The following GNA14 variants were observed in gnomAD, a reference collection of about 807,000 sequenced individuals.
The protein encoded by GNA14 is guanine nucleotide-binding protein subunit alpha-14.
A neutral mutation model predicts 42.0 loss-of-function variants in GNA14; 50 were observed. The ratio of observed to expected loss-of-function variants is 1.19; its 90% CI spans 0.95 to 1.51. The LOEUF is 1.51. GNA14 is among the 40% of genes most tolerant of loss of function. The pLI, the probability that GNA14 is intolerant of heterozygous loss-of-function variation, is 0.00. For synonymous variants in GNA14, 173 were observed against 163.1 expected, an observed-to-expected ratio of 1.06 and a Z score of -0.46; for missense variants, 473 against 446.2, an observed-to-expected ratio of 1.06 and a Z score of -0.54.
At chr9:77,643,311 C>T (rs924299803) in intron 1 of GNA14, among the ~76,000 whole-genome samples, 4 of 150,868 alleles carry the variant, frequency 2.7e-5, no homozygotes, top group South Asian at 4.2e-4. Flanking sequence ...GCTATCTCAG[C>T]TCACTGCAAC....
chr9:77,425,085 G>T (rs1317832804), intron 6 of GNA14, among the ~76,000 whole-genome samples: 1 of 152,114 alleles, frequency 6.6e-6, no homozygotes, highest in Non-Finnish European at 1.5e-5. Context: ...GCTCTGACTG[G>T]CATGAGGAAT....
At chr9:77,462,795 A>C (rs531395869) in intron 2 of GNA14, among the ~76,000 whole-genome samples, 1 of 152,116 alleles carries the variant, frequency 6.6e-6, no homozygotes, top group African/African-American at 2.4e-5. Flanking sequence ...TGACTCTGTC[A>C]TCTCCCTCAC....
At chr9:77,620,667 C>T (rs367680438) in intron 1 of GNA14, among the ~76,000 whole-genome samples, 3 of 151,848 alleles carry the variant, frequency 2.0e-5, no homozygotes, top group Admixed American at 6.6e-5. Flanking sequence ...GCCAGCATGG[C>T]GAAACCCTGT....
chr9:77,471,986 A>T (rs1202472264), intron 2 of GNA14, among the ~76,000 whole-genome samples: 2 of 152,178 alleles, frequency 1.3e-5, no homozygotes, highest in Admixed American at 1.3e-4. Context: ...TTCCCCATGG[A>T]ATCACCACAT....
chr9:77,431,328 TG>T lies in GNA14; in HGVS notation c.585del (p.Ile196SerfsTer33). 6.2e-7 allele frequency: 1 copy of T among 1,613,622 alleles called. No individual in the cohort carries two copies. Among genetic ancestry groups the T allele is most frequent in the Non-Finnish European group, 8.5e-7 (1 of 1,179,668 alleles). On this transcript the variant is annotated frameshift_variant, in exon 4 of 7. Coordinates refer to ENST00000341700, the MANE Select transcript of GNA14 (RefSeq NM_004297.4). LOFTEE classifies it high-confidence loss of function. The part of the protein sequence containing the change: ...IIEYPFDLEN[I>X]IFRMVDVGGQ... ...TCAGGGAGACAGACTTACCGAAAGA[TG>T]ATGTTTTCCAAGTCAAATGGATACT...
In GNA14 at chr9:77,583,180, A is replaced by G. The variant is rs1823252805; in HGVS notation, c.125-53927T>C. On this transcript the variant is annotated intron_variant, in intron 1 of 6. Coordinates refer to ENST00000341700, the MANE Select transcript of GNA14 (RefSeq NM_004297.4). Reference sequence around the variant, plus strand: ...TCTCCCCCAACAAATGAGATAACGCAGTCTTTGTTTTGTGAATCTGATCAG... The same window carrying G: ...TCTCCCCCAACAAATGAGATAACGCGGTCTTTGTTTTGTGAATCTGATCAG... Among the ~76,000 whole-genome samples, 2 of 152,222 alleles carry G rather than the reference A, an allele frequency of 1.3e-5. 1 individual carries two copies. Among genetic ancestry groups the G allele is most frequent in the South Asian group, 4.1e-4 (2 of 4,836 alleles).
chr9:77,622,916 T>TG (rs547777867), intron 1 of GNA14, among the ~76,000 whole-genome samples: 2 of 144,478 alleles, frequency 1.4e-5, no homozygotes, highest in South Asian at 4.4e-4. Context: ...AAAGAAAAAT[T>TG]TTTTTTTCAG....
intron 2 of GNA14, among the ~76,000 whole-genome samples, chr9:77,524,112 C>T (rs1157542236): frequency 6.6e-6 from 1 of 152,198 alleles, no homozygotes; most frequent in Non-Finnish European, 1.5e-5. Context: ...CCATAAAACA[C>T]TCTTGAGAGA....
intron 1 of GNA14, among the ~76,000 whole-genome samples, chr9:77,580,045 C>G (rs1442112969): frequency 6.6e-6 from 1 of 152,178 alleles, no homozygotes; most frequent in Admixed American, 6.5e-5. Context: ...TAGCTTCCTT[C>G]CACTCTCATT....
chr9:77,612,640 T>C (rs1440555225), intron 1 of GNA14, among the ~76,000 whole-genome samples: 1 of 151,050 alleles, frequency 6.6e-6, no homozygotes, highest in Admixed American at 6.6e-5. Context: ...TATTACCTCA[T>C]ACCTGTTACA....
chr9:77,608,055 C>T (rs970743976), intron 1 of GNA14, among the ~76,000 whole-genome samples: 1 of 152,106 alleles, frequency 6.6e-6, no homozygotes, highest in Non-Finnish European at 1.5e-5. Context: ...GGTGGTGGGG[C>T]TCTCACAAAA....
rs772468318 is a variant in GNA14, at chr9:77,425,592, G to A, written c.847C>T (p.His283Tyr). The A allele has an allele frequency of 4.9e-5, 79 of 1,607,754 alleles. No homozygotes were observed. The highest frequency in any genetic ancestry group is 4.9e-4 in the South Asian group (44 of 90,484). Residue 283 changes from histidine (H) to tyrosine (Y), a missense_variant, in exon 6 of 7, where the codon CAT becomes TAT. Coordinates refer to ENST00000341700, the MANE Select transcript of GNA14 (RefSeq NM_004297.4). ...TATTCTGGGAAATAGCTAATTAGAT[G>A]AGAGTACATGATTTTCTCTTCCAAA... ...DLLEEKIMYS[H>Y]LISYFPEYTG...
intron 1 of GNA14, among the ~76,000 whole-genome samples, chr9:77,581,228 G>T (rs1181941991): frequency 2.0e-5 from 3 of 152,152 alleles, no homozygotes; most frequent in African/African-American, 7.2e-5. Context: ...GCTAGGCTGA[G>T]ACAGGCTGCA....
Position 77,546,556 on chromosome 9 carries a change from T to G in GNA14, c.125-17303A>C, listed in dbSNP as rs1837722978. Among the ~76,000 whole-genome samples, 3 of 152,330 alleles carry G rather than the reference T, an allele frequency of 2.0e-5. No homozygotes were observed. In the South Asian group the frequency reaches 6.2e-4, roughly 32 times the overall value. On this transcript the variant is annotated intron_variant, in intron 1 of 6. Transcript: ENST00000341700. ...ATTGATCGCCTAGCTGGGCACTATC[T>G]AGGCTTGAGTTTACACTCCTGTGGG...
intron 1 of GNA14, among the ~76,000 whole-genome samples, chr9:77,552,956 T>A (rs376990074): frequency 4.9e-4 from 75 of 152,296 alleles, no homozygotes; most frequent in African/African-American, 1.8e-3. Context: ...AATGAGGGTT[T>A]TCTGAAAACT....
At chr9:77,594,066 T>C (rs1042708734) in intron 1 of GNA14, among the ~76,000 whole-genome samples, 2 of 152,214 alleles carry the variant, frequency 1.3e-5, no homozygotes, top group African/African-American at 4.8e-5. Context: ...GGATTCTCTG[T>C]AGCATAGGGG....
intron 2 of GNA14, among the ~76,000 whole-genome samples, chr9:77,488,778 C>T: frequency 8.4e-6 from 1 of 119,352 alleles, no homozygotes. Context: ...AGCAAACACA[C>T]CTAATTAAAA....
intron 5 of GNA14, among the ~76,000 whole-genome samples, chr9:77,427,598 A>G (rs1374800030): frequency 8.0e-6 from 1 of 124,554 alleles, no homozygotes; most frequent in Non-Finnish European, 1.8e-5. Context: ...AGTTCAGGGG[A>G]AAAGATGACG....
intron 2 of GNA14, among the ~76,000 whole-genome samples, chr9:77,506,233 G>C (rs898044254): frequency 6.0e-5 from 9 of 148,766 alleles, no homozygotes; most frequent in African/African-American, 2.2e-4. Context: ...AGTGGGTTAT[G>C]ATCACACCAC....
Sources: allele counts gnomAD v4.1 joint callset (sites outside exome capture counted in the v4.1 genomes callset), GRCh38; gene constraint gnomAD v4.1.1; transcripts MANE v1.5; gene names NCBI Gene and HGNC (gene_info 2026-07-23, HGNC 2026-07-21).